PIWIL3: variants seen among roughly 807,000 people sequenced by gnomAD.
The protein encoded by PIWIL3 is piwi like RNA-mediated gene silencing 3, also known as piwi-like protein 3.
Under a neutral mutation model 109.7 loss-of-function variants are expected in PIWIL3, and 101 were observed. That is an observed-to-expected ratio of 0.92 (90% CI 0.78 to 1.09). The LOEUF is 1.09. Ranked by LOEUF, PIWIL3 falls within the 50% of genes least tolerant of loss-of-function variation. The probability of loss-of-function intolerance (pLI) is 0.00; values close to 1 mark genes in which losing one functional copy is unlikely to be tolerated. For missense variants in PIWIL3, 1,031 were observed against 1,072.6 expected, an observed-to-expected ratio of 0.96 and a Z score of 0.54; for synonymous variants, 373 against 376.4, an observed-to-expected ratio of 0.99 and a Z score of 0.10.
intron 12 of PIWIL3, among the ~76,000 whole-genome samples, 195 bp from the exon 13 acceptor site, chr22:24,736,087 T>C (rs1473964573): frequency 6.6e-6 from 1 of 152,214 alleles, no homozygotes; most frequent in African/African-American, 2.4e-5. Context: ...TTAAAAATTT[T>C]AATTGAGAGG....
chr22:24,764,667 T>TGTGTGTGTGTGTGC (rs1038117713), intron 1 of PIWIL3, among the ~76,000 whole-genome samples: 3 of 145,958 alleles, frequency 2.1e-5, no homozygotes, highest in African/African-American at 7.5e-5. Flanking sequence ...TGTGTGTGTG[T>TGTGTGTGTGTGTGC]GTTGAGACAG....
chr22:24,773,896 G>A lies in PIWIL3; in HGVS notation c.-23+426C>T, dbSNP rs558408243. On this transcript the variant is annotated intron_variant, in intron 1 of 20. Coordinates refer to ENST00000616349, the MANE Select transcript of PIWIL3 (RefSeq NM_001255975.1). ...CGCCCAGTTAATTTTGGTATTTTTC[G>A]TAGAGACGGGGTTTCACCATCTTGG... Among the ~76,000 whole-genome samples the A allele has an allele frequency of 9.7e-4, 147 of 151,930 alleles. 1 individual carries two copies. Among genetic ancestry groups the A allele is most frequent in the Non-Finnish European group, 1.6e-3 (109 of 67,940 alleles).
intron 3 of PIWIL3, 132 bp downstream of exon 3, chr22:24,759,737 C>T: frequency 7.6e-7 from 1 of 1,319,100 alleles, no homozygotes; most frequent in Non-Finnish European, 1.0e-6. Flanking sequence ...GAGACAGTTG[C>T]AAGCTGCACA....
At chr22:24,743,626 T>C (rs1420724829) in intron 12 of PIWIL3, among the ~76,000 whole-genome samples, 2 of 152,126 alleles carry the variant, frequency 1.3e-5, no homozygotes, top group Non-Finnish European at 2.9e-5. Flanking sequence ...ACTATGAGGA[T>C]GCAAAGGCGT....
intron 1 of PIWIL3, among the ~76,000 whole-genome samples, chr22:24,772,427 T>G (rs938034446): frequency 5.9e-5 from 9 of 152,198 alleles, no homozygotes; most frequent in Non-Finnish European, 1.3e-4. Flanking sequence ...ATGTGCTGTG[T>G]GACCCTGAGC....
intron 2 of PIWIL3, among the ~76,000 whole-genome samples, chr22:24,760,390 A>C (rs1235608438): frequency 2.6e-5 from 4 of 152,186 alleles, no homozygotes; most frequent in Non-Finnish European, 4.4e-5. Context: ...CGTTCAAGGA[A>C]GAATGAGGCA....
intron 12 of PIWIL3, among the ~76,000 whole-genome samples, chr22:24,744,517 G>C (rs1271617551): frequency 6.6e-6 from 1 of 152,110 alleles, no homozygotes; most frequent in East Asian, 1.9e-4. Context: ...ACATTGCAGT[G>C]AGCCGAGATC....
At chr22:24,720,332 C>T (rs918882271) in intron 19 of PIWIL3, among the ~76,000 whole-genome samples, 4 of 139,824 alleles carry the variant, frequency 2.9e-5, no homozygotes, top group Non-Finnish European at 3.0e-5. Flanking sequence ...AGTGCAGTGG[C>T]GCAATCTCAG....
intron 2 of PIWIL3, chr22:24,762,002 C>CA (rs1286952402): frequency 1.0e-6 from 1 of 996,844 alleles, no homozygotes. Context: ...TAAGAGAAGA[C>CA]AAAACAGGGC....
Position 24,734,120 on chromosome 22 carries a change from G to T in PIWIL3, c.1671C>A (p.Asp557Glu). 6.2e-7 allele frequency: 1 copy of T among 1,612,816 alleles called. No homozygotes were observed. The highest frequency in any genetic ancestry group is 1.7e-4 in the Middle Eastern group (1 of 6,018). Reference protein sequence around the residue: ...EVDGDANSYIDTLRKYTRPTL... With the variant: ...EVDGDANSYIETLRKYTRPTL... ...TTGGTCTAGTATATTTCCGTAATGTGTCTATATAGGAGTTAGCATCACCAT... is the reference window on the plus strand; with the variant it reads ...TTGGTCTAGTATATTTCCGTAATGTTTCTATATAGGAGTTAGCATCACCAT... Residue 557 changes from aspartate to glutamate, a missense_variant, in exon 14 of 21, where the codon GAC becomes GAA. Physicochemically the swap from Asp to Glu is conservative, Grantham distance 45 (BLOSUM62 2). Transcript: ENST00000616349.
At chr22:24,757,870 G>C in intron 4 of PIWIL3, 38 bp downstream of exon 4, 2 of 1,493,590 alleles carry the variant, frequency 1.3e-6, no homozygotes, top group South Asian at 1.3e-5. Flanking sequence ...AGTTAAAAAC[G>C]AACAGCTCCA....
intron 16 of PIWIL3, among the ~76,000 whole-genome samples, chr22:24,726,875 G>T (rs1224692553): frequency 6.6e-6 from 1 of 152,106 alleles, no homozygotes; most frequent in African/African-American, 2.4e-5. Context: ...TTAAACAGAG[G>T]TAATTTGCAG....
intron 1 of PIWIL3, among the ~76,000 whole-genome samples, chr22:24,763,367 C>A (rs911310565): frequency 3.9e-5 from 6 of 152,096 alleles, no homozygotes; most frequent in African/African-American, 1.4e-4. Flanking sequence ...GCGGGGAAAT[C>A]TCGGCTCACT....
intron 2 of PIWIL3, chr22:24,762,030 A>C: frequency 1.0e-6 from 1 of 998,774 alleles, no homozygotes. Context: ...ACAAGTTTTC[A>C]ACAAGGCTGG....
chr22:24,757,747 G>T (rs1925173961), intron 4 of PIWIL3, among the ~76,000 whole-genome samples, 161 bp downstream of exon 4: 1 of 111,514 alleles, frequency 9.0e-6, no homozygotes, highest in South Asian at 2.7e-4. Context: ...CTTGAGCTGG[G>T]ATCAGCTCAG....
chr22:24,759,153 C>G (rs1925263891), intron 3 of PIWIL3, among the ~76,000 whole-genome samples: 1 of 152,224 alleles, frequency 6.6e-6, no homozygotes, highest in South Asian at 2.1e-4. Context: ...CCGGGCCTCC[C>G]AAAGTGCTGA....
At chr22:24,757,048 C>T (rs1219320223) in intron 4 of PIWIL3, among the ~76,000 whole-genome samples, 2 of 130,988 alleles carry the variant, frequency 1.5e-5, no homozygotes, top group Non-Finnish European at 3.1e-5. Flanking sequence ...TATTGCCCTC[C>T]AGCCTGGACA....
intron 12 of PIWIL3, among the ~76,000 whole-genome samples, chr22:24,736,611 C>T (rs999443175): frequency 7.2e-5 from 11 of 152,094 alleles, no homozygotes; most frequent in South Asian, 2.1e-4. Flanking sequence ...AAAGGGAGCA[C>T]CTTCATAGGA....
At chr22:24,737,622 G>A (rs1281581377) in intron 12 of PIWIL3, among the ~76,000 whole-genome samples, 1 of 152,148 alleles carries the variant, frequency 6.6e-6, no homozygotes, top group Non-Finnish European at 1.5e-5. Context: ...CCACAGTGGG[G>A]TAGAGCATCA....
Sources: allele counts gnomAD v4.1 joint callset (sites outside exome capture counted in the v4.1 genomes callset), GRCh38; gene constraint gnomAD v4.1.1; transcripts MANE v1.5; gene names NCBI Gene and HGNC (gene_info 2026-07-23, HGNC 2026-07-21).